The following UST variants were observed in gnomAD, a reference collection of about 807,000 sequenced individuals.
The protein encoded by UST is uronyl 2-sulfotransferase, also known as chondroitin sulfate 2-O-sulfotransferase.
Under a neutral mutation model 45.6 loss-of-function variants are expected in UST, and 21 were observed. That is an observed-to-expected ratio of 0.46 (90% CI 0.33 to 0.66). The LOEUF (loss-of-function observed/expected upper bound fraction) is 0.66, where lower values mean the gene tolerates loss of function less well. Among genes scored for constraint, UST ranks in the 30% least tolerant of loss-of-function variants. The pLI is 0.02. For missense variants in UST, 463 were observed against 512.4 expected, an observed-to-expected ratio of 0.90 and a Z score of 0.93; for synonymous variants, 215 against 200.6, an observed-to-expected ratio of 1.07 and a Z score of -0.61.
intron 7 of UST, among the ~76,000 whole-genome samples, chr6:149,059,012 G>A (rs902841662): frequency 6.6e-6 from 1 of 152,058 alleles, no homozygotes; most frequent in Non-Finnish European, 1.5e-5. Flanking sequence ...TAATGGTCTG[G>A]GCCATGATGC....
At chr6:148,757,573 CTT>C (rs1045622657) in intron 1 of UST, among the ~76,000 whole-genome samples, 2 of 152,186 alleles carry the variant, frequency 1.3e-5, no homozygotes, top group African/African-American at 4.8e-5. Flanking sequence ...CCCATTTACA[CTT>C]GTTTGGTGAA....
At chr6:148,833,936 A>G (rs1173428863) in intron 1 of UST, among the ~76,000 whole-genome samples, 5 of 152,218 alleles carry the variant, frequency 3.3e-5, no homozygotes, top group African/African-American at 1.2e-4. Context: ...TATCAATATG[A>G]GCATTCTGTG....
At chr6:148,997,275 T>C (rs1781470442) in intron 5 of UST, among the ~76,000 whole-genome samples, 1 of 152,314 alleles carries the variant, frequency 6.6e-6, no homozygotes, top group African/African-American at 2.4e-5. Flanking sequence ...TTGGATTCCA[T>C]GTAGTCATGT....
Position 148,914,098 on chromosome 6 carries a change from A to G in UST, c.291+27069A>G, listed in dbSNP as rs140826338. 6.6e-3 allele frequency among the ~76,000 whole-genome samples: 1,008 copies of G among 152,304 alleles called. 19 individuals carry two copies. Among genetic ancestry groups the G allele is most frequent in the African/African-American group, 0.023 (957 of 41,562 alleles). On this transcript the variant is annotated intron_variant, in intron 2 of 7. Transcript: ENST00000367463. ...CTTGGACTTCCCATCCTCCAGAACT[A>G]TGGGAAATAAGTTTTCATTCCAATG...
At chr6:148,755,720 A>G (rs1196445001) in intron 1 of UST, among the ~76,000 whole-genome samples, 1 of 150,864 alleles carries the variant, frequency 6.6e-6, no homozygotes, top group Non-Finnish European at 1.5e-5. Flanking sequence ...AATTATGAGC[A>G]TTTTTAATTT....
intron 4 of UST, among the ~76,000 whole-genome samples, chr6:148,957,138 G>A (rs967870044): frequency 5.3e-5 from 8 of 152,186 alleles, no homozygotes; most frequent in Non-Finnish European, 1.0e-4. Context: ...ACAAGAGACT[G>A]CCTGACCAGC....
At chr6:148,978,869 G>T (rs1781076103) in intron 5 of UST, among the ~76,000 whole-genome samples, 1 of 152,018 alleles carries the variant, frequency 6.6e-6, no homozygotes, top group Non-Finnish European at 1.5e-5. Context: ...GTTTCTCATA[G>T]AAGTCAGATA....
chr6:148,882,486 C>CAAAAAAAAA, intron 1 of UST, among the ~76,000 whole-genome samples: 1 of 74,168 alleles, frequency 1.3e-5, no homozygotes, highest in Non-Finnish European at 2.4e-5. Flanking sequence ...AACTCCATCT[C>CAAAAAAAAA]AAAAAAAAAA....
intron 1 of UST, among the ~76,000 whole-genome samples, chr6:148,828,113 C>CTGTCAAATATATATATT (rs958179159): frequency 2.0e-5 from 3 of 152,002 alleles, no homozygotes. Context: ...ATGTTGACTT[C>CTGTCAAATATATATATT]TGTCAAATAT....
intron 5 of UST, among the ~76,000 whole-genome samples, chr6:148,984,773 T>C (rs1198430123): frequency 6.6e-6 from 1 of 152,208 alleles, no homozygotes; most frequent in East Asian, 1.9e-4. Flanking sequence ...CCTCCCAGAG[T>C]GCTGGGATTA....
chr6:148,887,697 G>A (rs934356187), intron 2 of UST, among the ~76,000 whole-genome samples: 4 of 152,152 alleles, frequency 2.6e-5, no homozygotes, highest in Admixed American at 1.3e-4. Context: ...TATTCTAACC[G>A]TATGTCCCTT....
At chr6:148,955,759 T>C (rs542851652) in intron 4 of UST, 1 of 152,398 alleles carries the variant, frequency 6.6e-6, no homozygotes, top group Non-Finnish European at 1.5e-5. Flanking sequence ...ACCCCTGACA[T>C]CCTTAAACCT....
At chr6:148,872,758 GCTGT>G (rs1489972556) in intron 1 of UST, among the ~76,000 whole-genome samples, 1 of 152,136 alleles carries the variant, frequency 6.6e-6, no homozygotes, top group East Asian at 1.9e-4. Context: ...GCTCCTAGAA[GCTGT>G]CTGCACTCCC....
chr6:148,772,729 G>T (rs1288206319), intron 1 of UST, among the ~76,000 whole-genome samples: 1 of 151,992 alleles, frequency 6.6e-6, no homozygotes, highest in Non-Finnish European at 1.5e-5. Context: ...AGCCCCTTCT[G>T]AGCTTTCAGT....
chr6:148,974,646 A>G (rs1036442125), intron 5 of UST, among the ~76,000 whole-genome samples: 1 of 152,230 alleles, frequency 6.6e-6, no homozygotes, highest in African/African-American at 2.4e-5. Context: ...AAACCCATGC[A>G]GATATTCACA....
intron 1 of UST, among the ~76,000 whole-genome samples, chr6:148,862,194 A>G (rs1177942458): frequency 6.6e-6 from 1 of 152,192 alleles, no homozygotes; most frequent in Non-Finnish European, 1.5e-5. Context: ...TATTGGGTGC[A>G]TATATATTTA....
At chr6:148,830,763 A>G (rs1267096399) in intron 1 of UST, among the ~76,000 whole-genome samples, 1 of 152,232 alleles carries the variant, frequency 6.6e-6, no homozygotes, top group Non-Finnish European at 1.5e-5. Context: ...AGTCAAATTC[A>G]TAGAAACGAA....
chr6:148,760,512 A>G (rs895787312), intron 1 of UST, among the ~76,000 whole-genome samples: 3 of 152,198 alleles, frequency 2.0e-5, no homozygotes. Flanking sequence ...ATAGTCTTCA[A>G]ATAATTGAAG....
chr6:148,967,473 T>C (rs1780825807), intron 5 of UST, among the ~76,000 whole-genome samples: 1 of 152,220 alleles, frequency 6.6e-6, no homozygotes. Flanking sequence ...ATTGCCTTTT[T>C]TTAATAGCTG....
Sources: gnomAD v4.1 joint callset for allele counts (sites outside exome capture counted in the v4.1 genomes callset) on GRCh38, gnomAD v4.1.1 for gene constraint, MANE v1.5 for transcripts, NCBI Gene and HGNC (gene_info 2026-07-23, HGNC 2026-07-21) for gene names.